LRBA: variants seen among roughly 807,000 people sequenced by gnomAD.
LRBA encodes lipopolysaccharide-responsive and beige-like anchor protein.
A neutral mutation model predicts 330.0 loss-of-function variants in LRBA; 176 were observed. The ratio of observed to expected loss-of-function variants is 0.53; its 90% CI spans 0.47 to 0.60. LRBA has a LOEUF of 0.60. LRBA is among the 20% of genes least tolerant of loss of function. The pLI is 0.00. For missense variants in LRBA, 3,259 were observed against 3,444.8 expected (o/e 0.95, Z 1.35); for synonymous variants, 1,230 against 1,193.0 (o/e 1.03, Z -0.64).
chr4:150,850,642 A>T, intron 24 of LRBA, 82 bp downstream of exon 24: 1 of 812,306 alleles, frequency 1.2e-6, no homozygotes, highest in Non-Finnish European at 1.8e-6. Context: ...GTCTGAAATT[A>T]ATTACAAACT....
At chr4:150,393,630 G>A (rs561080229) in intron 47 of LRBA, among the ~76,000 whole-genome samples, 6 of 152,018 alleles carry the variant, frequency 3.9e-5, no homozygotes, top group African/African-American at 1.4e-4. Context: ...GACTAAAGGT[G>A]TGCATCACTA....
intron 47 of LRBA, among the ~76,000 whole-genome samples, chr4:150,389,124 G>GTTCTTC (rs1743511310): frequency 6.6e-6 from 1 of 152,096 alleles, no homozygotes; most frequent in South Asian, 2.1e-4. Context: ...AGATCCAAAA[G>GTTCTTC]AATCACAACA....
intron 37 of LRBA, among the ~76,000 whole-genome samples, chr4:150,648,672 G>C (rs1779430400): frequency 6.6e-6 from 1 of 151,850 alleles, no homozygotes; most frequent in Non-Finnish European, 1.5e-5. Context: ...TTGTTTTTAT[G>C]GTTTAAGATG....
intron 37 of LRBA, among the ~76,000 whole-genome samples, chr4:150,625,678 G>A (rs564799144): frequency 6.8e-6 from 1 of 147,758 alleles, no homozygotes; most frequent in Admixed American, 6.8e-5. Context: ...TGGAATCCTG[G>A]TACCGAGATT....
intron 48 of LRBA, among the ~76,000 whole-genome samples, chr4:150,336,575 A>C (rs72953852): frequency 0.074 from 11,219 of 152,204 alleles, 1,099 homozygotes; most frequent in African/African-American, 0.22. Context: ...GGGGAGAAGG[A>C]AAATTAGGGA....
intron 47 of LRBA, among the ~76,000 whole-genome samples, chr4:150,401,118 T>G (rs952538022): frequency 1.3e-5 from 2 of 152,188 alleles, no homozygotes; most frequent in African/African-American, 4.8e-5. Context: ...GAACACCTTG[T>G]GAAGACCGAG....
chr4:150,577,549 C>T (rs909988042), intron 40 of LRBA, among the ~76,000 whole-genome samples: 1 of 151,846 alleles, frequency 6.6e-6, no homozygotes, highest in African/African-American at 2.4e-5. Context: ...AACACGTGGT[C>T]CTTTGTTTTC....
chr4:150,599,872 T>C lies in LRBA; in HGVS notation c.5922-741A>G, dbSNP rs531162221. On this transcript the variant is annotated intron_variant, in intron 37 of 56. Transcript: ENST00000651943. ...GCAATCTATTTTCAAGCAAATCAGA[T>C]TGGATTTCTGTTTTATGTACTCTGT... Among the ~76,000 whole-genome samples, 5 of 152,286 alleles carry C rather than the reference T, an allele frequency of 3.3e-5. No individual in the cohort carries two copies. The East Asian group carries it at 5.8e-4, about 18-fold the overall frequency.
At chr4:150,391,811 T>G (rs1324951754) in intron 47 of LRBA, among the ~76,000 whole-genome samples, 1 of 152,076 alleles carries the variant, frequency 6.6e-6, no homozygotes, top group Non-Finnish European at 1.5e-5. Flanking sequence ...TTTTTCTTCC[T>G]CTTGAGTGCC....
intron 22 of LRBA, among the ~76,000 whole-genome samples, chr4:150,861,938 A>G (rs1266240804): frequency 6.6e-6 from 1 of 150,774 alleles, no homozygotes; most frequent in Non-Finnish European, 1.5e-5. Context: ...CCAAGATTAC[A>G]CCACTGCACT....
chr4:150,373,975 C>G (rs1209365167), intron 47 of LRBA, among the ~76,000 whole-genome samples: 1 of 152,088 alleles, frequency 6.6e-6, no homozygotes, highest in East Asian at 1.9e-4. Context: ...ATTCTGCTAC[C>G]TAAAAAGAAT....
chr4:150,909,045 C>T (rs562969424), intron 9 of LRBA, among the ~76,000 whole-genome samples, 188 bp from the exon 10 acceptor site: 6 of 152,252 alleles, frequency 3.9e-5, no homozygotes, highest in South Asian at 4.1e-4. Flanking sequence ...GTCAACTTGA[C>T]ATTAAAACCT....
At chr4:150,559,849 A>AATATATAATTATATATAATATATAATT (rs1767993088) in intron 40 of LRBA, among the ~76,000 whole-genome samples, 7 of 30,802 alleles carry the variant, frequency 2.3e-4, no homozygotes, top group Non-Finnish European at 3.4e-4. Context: ...TATATATAAT[A>AATATATAATTATATATAATATATAATT]ATATATAATT....
At chr4:150,930,166 T>G (rs1579236961) in intron 2 of LRBA, among the ~76,000 whole-genome samples, 2 of 151,734 alleles carry the variant, frequency 1.3e-5, no homozygotes, top group African/African-American at 4.8e-5. Context: ...AATACAAAAA[T>G]TAGCTGGGCG....
At chr4:150,867,602 T>G in intron 22 of LRBA, 69 bp downstream of exon 22, 2 of 1,300,094 alleles carry the variant, frequency 1.5e-6, no homozygotes, top group Non-Finnish European at 2.1e-6. Context: ...TCGAAATTTT[T>G]TAAATGACTA....
intron 42 of LRBA, among the ~76,000 whole-genome samples, chr4:150,475,113 C>T (rs1322570085): frequency 6.6e-6 from 1 of 152,092 alleles, no homozygotes; most frequent in Non-Finnish European, 1.5e-5. Flanking sequence ...ACTGGCATTC[C>T]AGTGATAAAA....
intron 46 of LRBA, among the ~76,000 whole-genome samples, chr4:150,428,038 C>G (rs868694104): frequency 4.6e-5 from 7 of 152,096 alleles, no homozygotes; most frequent in Admixed American, 2.0e-4. Context: ...CAAAACTATT[C>G]TATGATCACC....
chr4:150,430,152 C>A (rs891336971), intron 46 of LRBA, among the ~76,000 whole-genome samples: 5 of 152,152 alleles, frequency 3.3e-5, no homozygotes, highest in African/African-American at 1.2e-4. Context: ...CAGTTACCTT[C>A]TAAATATATC....
At chr4:150,685,842 C>T (rs1487282587) in intron 36 of LRBA, among the ~76,000 whole-genome samples, 1 of 151,952 alleles carries the variant, frequency 6.6e-6, no homozygotes, top group African/African-American at 2.4e-5. Flanking sequence ...ATAAAGGAAA[C>T]CTTTAAAGCA....
Sources: gnomAD v4.1 joint callset for allele counts (sites outside exome capture counted in the v4.1 genomes callset) on GRCh38, gnomAD v4.1.1 for gene constraint, MANE v1.5 for transcripts, NCBI Gene and HGNC (gene_info 2026-07-23, HGNC 2026-07-21) for gene names.